Variants in DMXL2 observed in about 807,000 individuals in gnomAD.
DMXL2 encodes the protein dmX-like protein 2.
A neutral mutation model predicts 331.1 loss-of-function variants in DMXL2; 103 were observed. The observed-to-expected ratio is 0.31, with a 90% CI of 0.27 to 0.37. DMXL2 has a LOEUF of 0.37. Ranked by LOEUF, DMXL2 falls within the 10% of genes least tolerant of loss-of-function variation. DMXL2 has a pLI of 1.00. For synonymous variants in DMXL2, 1,281 were observed against 1,252.1 expected (o/e 1.02, Z -0.49); for missense variants, 3,171 against 3,642.9 (o/e 0.87, Z 3.33).
chr15:51,604,569 T>C (rs185104557), intron 1 of DMXL2, among the ~76,000 whole-genome samples: 2 of 152,350 alleles, frequency 1.3e-5, no homozygotes, highest in Admixed American at 6.5e-5. Context: ...GTATCAGATC[T>C]ATATGCATAA....
chr15:51,592,781 A>C (rs1001225846), intron 1 of DMXL2, among the ~76,000 whole-genome samples: 1 of 114,648 alleles, frequency 8.7e-6, no homozygotes, highest in Non-Finnish European at 2.0e-5. Context: ...AAAGAAAAGA[A>C]TTTTCACCCA....
intron 32 of DMXL2, 74 bp downstream of exon 32, chr15:51,464,601 T>C: frequency 8.0e-7 from 1 of 1,243,390 alleles, no homozygotes; most frequent in African/African-American, 1.5e-5. Context: ...TAAAGTATAT[T>C]GGCATATTTA....
intron 2 of DMXL2, among the ~76,000 whole-genome samples, chr15:51,575,097 G>C (rs931792157): frequency 1.3e-5 from 2 of 152,092 alleles, no homozygotes; most frequent in East Asian, 3.9e-4. Context: ...CCAGGAAATC[G>C]TGTTTCAATA....
chr15:51,492,282 G>A (rs1235043661), intron 19 of DMXL2, among the ~76,000 whole-genome samples: 2 of 152,176 alleles, frequency 1.3e-5, no homozygotes, highest in African/African-American at 4.8e-5. Context: ...CCTGGATGTC[G>A]ATTCCAGTGC....
intron 42 of DMXL2, 119 bp downstream of exon 42, chr15:51,451,526 C>A: frequency 1.3e-6 from 1 of 755,614 alleles, no homozygotes; most frequent in Non-Finnish European, 2.1e-6. Context: ...AAATATTTCT[C>A]CATTTTCAAC....
At chr15:51,617,365 C>T (rs1295464947) in intron 1 of DMXL2, among the ~76,000 whole-genome samples, 1 of 152,146 alleles carries the variant, frequency 6.6e-6, no homozygotes, top group Non-Finnish European at 1.5e-5. Flanking sequence ...TATCATCTGC[C>T]AGGTGCCAAG....
At position 51,537,670 on chromosome 15, in the gene DMXL2, G is replaced by GT; in HGVS notation, c.1434dup (p.Arg479ThrfsTer3). On this transcript the variant is annotated frameshift_variant, in exon 11 of 44. Transcript: ENST00000560891. LOFTEE classifies it high-confidence loss of function. ...GGCAGTGGCATTGGTACACTAAGTC[G>GT]TGAGTAAGTTCTAGGACTTCCTTCT... The GT allele has an allele frequency of 6.2e-7, 1 of 1,613,844 alleles. No individual in the cohort carries two copies. The highest frequency in any genetic ancestry group is 8.5e-7 in the Non-Finnish European group (1 of 1,179,856).
At chr15:51,581,209 C>T (rs1340385723) in intron 1 of DMXL2, among the ~76,000 whole-genome samples, 2 of 152,118 alleles carry the variant, frequency 1.3e-5, no homozygotes, top group African/African-American at 4.8e-5. Flanking sequence ...CTCATAGGAA[C>T]TCAAGCCCTA....
At chr15:51,590,395 C>A (rs1325092514) in intron 1 of DMXL2, among the ~76,000 whole-genome samples, 1 of 152,096 alleles carries the variant, frequency 6.6e-6, no homozygotes, top group Non-Finnish European at 1.5e-5. Flanking sequence ...ACCACATAGC[C>A]CACTAGAAAG....
chr15:51,464,508 A>G (rs1245304614), intron 32 of DMXL2, among the ~76,000 whole-genome samples, 167 bp downstream of exon 32: 1 of 152,222 alleles, frequency 6.6e-6, no homozygotes. Flanking sequence ...TAATACTGGG[A>G]AAAATTCTAT....
chr15:51,539,111 T>C (rs1027624255), intron 9 of DMXL2, among the ~76,000 whole-genome samples: 3 of 151,346 alleles, frequency 2.0e-5, no homozygotes, highest in Non-Finnish European at 4.4e-5. Context: ...TTGGGAGGCT[T>C]AAGCAGGAGA....
chr15:51,541,607 AT>A, intron 9 of DMXL2, among the ~76,000 whole-genome samples: 2 of 152,270 alleles, frequency 1.3e-5, no homozygotes, highest in Middle Eastern at 6.8e-3. Flanking sequence ...ATACAGAAAC[AT>A]TTAAAAATAA....
chr15:51,512,650 T>C (rs1040385013), intron 15 of DMXL2, among the ~76,000 whole-genome samples: 1 of 151,806 alleles, frequency 6.6e-6, no homozygotes, highest in Non-Finnish European at 1.5e-5. Context: ...ACTCTAGTAA[T>C]AATACAAAAA....
intron 2 of DMXL2, among the ~76,000 whole-genome samples, chr15:51,573,764 G>C (rs1049853354): frequency 6.6e-6 from 1 of 152,006 alleles, no homozygotes; most frequent in African/African-American, 2.4e-5. Context: ...GATGGGTGCA[G>C]CAAACCACCA....
intron 9 of DMXL2, 76 bp from the exon 10 acceptor site, chr15:51,538,528 T>C: frequency 8.3e-7 from 1 of 1,205,790 alleles, no homozygotes; most frequent in Non-Finnish European, 1.1e-6. Context: ...CAATGACTAA[T>C]CTATATAAAG....
rs2039749177 is a variant in DMXL2, at chr15:51,457,628, G to C, written c.8199-162C>G. ...AGTCCTAATCGCCAATGTTAATACT[G>C]GTTAACTTTTTTCCCTTTTGGCAAA... On this transcript the variant is annotated intron_variant, in intron 36 of 43. Transcript: ENST00000560891. 5.5e-6 allele frequency: 4 copies of C among 731,102 alleles called. No homozygotes were observed. In the East Asian group the frequency reaches 1.2e-4, roughly 22 times the overall value. 45.3% of individuals were successfully genotyped at this position (731,102 alleles called of 1,614,324 possible). A position where few individuals can be genotyped will look rare whatever the true frequency, so the allele number is the denominator to read the frequency against.
chr15:51,622,370 C>T (rs2054706630), intron 1 of DMXL2, 89 bp downstream of exon 1: 2 of 1,522,830 alleles, frequency 1.3e-6, no homozygotes, highest in Admixed American at 4.0e-5. Context: ...CTCACAGCCT[C>T]CTGAGGAGGC....
chr15:51,612,490 A>G (rs985118548), intron 1 of DMXL2, among the ~76,000 whole-genome samples: 57 of 152,146 alleles, frequency 3.7e-4, no homozygotes, highest in Non-Finnish European at 1.0e-4. Context: ...AGAAATTTTA[A>G]AGCTGGGTGT....
chr15:51,495,273 T>TTTC, intron 18 of DMXL2, 139 bp from the exon 19 acceptor site: 2 of 461,080 alleles, frequency 4.3e-6, no homozygotes, highest in Non-Finnish European at 7.6e-6. Context: ...CCTGAACACT[T>TTTC]TAACGTCTTT....
Sources: gnomAD v4.1 joint callset for allele counts (sites outside exome capture counted in the v4.1 genomes callset) on GRCh38, gnomAD v4.1.1 for gene constraint, MANE v1.5 for transcripts, NCBI Gene and HGNC (gene_info 2026-07-23, HGNC 2026-07-21) for gene names.